Variants in ACTA2 observed in about 807,000 individuals in gnomAD.
ACTA2 encodes actin, aortic smooth muscle.
A neutral mutation model predicts 39.5 loss-of-function variants in ACTA2; 12 were observed. The ratio of observed to expected loss-of-function variants is 0.30; its 90% CI spans 0.19 to 0.49. The LOEUF (loss-of-function observed/expected upper bound fraction) is 0.49, where lower values mean the gene tolerates loss of function less well. Among genes scored for constraint, ACTA2 ranks in the 20% least tolerant of loss-of-function variants. The probability of loss-of-function intolerance (pLI) is 0.99; values close to 1 mark genes in which losing one functional copy is unlikely to be tolerated. For missense variants in ACTA2, 236 were observed against 498.8 expected, an observed-to-expected ratio of 0.47 and a Z score of 5.02; for synonymous variants, 158 against 180.6, an observed-to-expected ratio of 0.88 and a Z score of 1.00.
intron 3 of ACTA2, 69 bp from the exon 4 acceptor site, chr10:88,943,976 G>T: frequency 7.0e-7 from 1 of 1,419,220 alleles, no homozygotes; most frequent in South Asian, 1.2e-5. Flanking sequence ...TTCCCAAAAA[G>T]GGACCAGAAG....
chr10:88,961,091 G>A (rs1024210406), intron 1 of ACTA2, among the ~76,000 whole-genome samples: 1 of 152,136 alleles, frequency 6.6e-6, no homozygotes. Flanking sequence ...GAGGACTATG[G>A]GGAGACACTT....
At chr10:88,946,929 C>T (rs551550571) in intron 3 of ACTA2, 1 of 154,458 alleles carries the variant, frequency 6.5e-6, no homozygotes, top group East Asian at 1.9e-4. Flanking sequence ...GTGTGATGTT[C>T]CCCTTCCTGT....
chr10:88,947,104 T>C (rs933810082), intron 3 of ACTA2, 154 bp downstream of exon 3: 77 of 1,115,304 alleles, frequency 6.9e-5, no homozygotes, highest in Admixed American at 1.2e-4. Flanking sequence ...GATTTTTTTT[T>C]CAATGGGTAA....
rs886038978 is a variant in ACTA2 at position 88,938,111 on chromosome 10, G to C, written c.940C>G (p.Arg314Gly). 1 of 1,613,808 alleles carries C rather than the reference G, an allele frequency of 6.2e-7. No individual in the cohort carries two copies. The highest frequency in any genetic ancestry group is 8.5e-7 in the Non-Finnish European group (1 of 1,179,922). ...AGGGCCGTGATCTCCTTCTGCATTC[G>C]GTCGGCAATGCCAGGGTACATAGTG... ...GTTMYPGIAD[R>G]MQKEITALAP... Residue 314 changes from arginine to glycine, a missense_variant, in exon 8 of 9, where the codon CGA (arginine) becomes GGA (glycine). Coordinates refer to ENST00000224784, the MANE Select transcript of ACTA2 (RefSeq NM_001613.4).
chr10:88,988,808 C>T (rs1847000869), intron 1 of ACTA2, among the ~76,000 whole-genome samples: 2 of 152,124 alleles, frequency 1.3e-5, no homozygotes, highest in East Asian at 1.9e-4. Flanking sequence ...TATAATTACC[C>T]AACCCTTTGA....
At chr10:88,963,342 G>T (rs1459141250) in intron 1 of ACTA2, among the ~76,000 whole-genome samples, 2 of 151,894 alleles carry the variant, frequency 1.3e-5, no homozygotes, top group Non-Finnish European at 2.9e-5. Context: ...TTTATTTAAT[G>T]CCTACCATGT....
intron 1 of ACTA2, chr10:88,989,330 C>T (rs1589436607): frequency 1.6e-5 from 5 of 309,222 alleles, no homozygotes; most frequent in South Asian, 5.2e-5. Context: ...ACCCCTTTTC[C>T]TTCCTTCTTT....
intron 1 of ACTA2, among the ~76,000 whole-genome samples, chr10:88,959,295 A>G (rs1017772526): frequency 6.6e-6 from 1 of 152,226 alleles, no homozygotes; most frequent in Non-Finnish European, 1.5e-5. Flanking sequence ...AAAAATCCCA[A>G]TGCACAGGCT....
chr10:88,982,220 A>G (rs1846728395), intron 1 of ACTA2, among the ~76,000 whole-genome samples: 1 of 152,134 alleles, frequency 6.6e-6, no homozygotes, highest in Non-Finnish European at 1.5e-5. Context: ...AAGAAGACCT[A>G]CCTCCCAAGA....
Position 88,990,858 on chromosome 10 carries a change from G to A in ACTA2, c.-24+81C>T. On this transcript the variant is annotated intron_variant, in intron 1 of 4. Transcript: ENST00000415557. This position sits in a 1 kb window ranked among gnomAD's most constrained non-coding sequence, Gnocchi z 4.9. The stretch of plus-strand genomic sequence containing the variant: ...GGAGTTGGGGAAGCTCTTTCACTTC[G>A]GAGGATTGCTCAACAACCATGCTGG... 2 of 1,614,208 alleles carry A rather than the reference G, an allele frequency of 1.2e-6. No individual in the cohort carries two copies. The highest frequency in any genetic ancestry group is 4.5e-5 in the East Asian group (2 of 44,872).
intron 6 of ACTA2, 195 bp from the exon 7 acceptor site, chr10:88,939,893 G>T (rs958482290): frequency 3.2e-6 from 2 of 632,602 alleles, no homozygotes; most frequent in Non-Finnish European, 5.7e-6. Context: ...TCCTAGGACA[G>T]TGTCTCATGC....
rs1214472006 is a variant in ACTA2, at chr10:88,990,079, T to C, written c.-24+860A>G. Among the ~76,000 whole-genome samples the C allele has an allele frequency of 6.6e-6, 1 of 152,208 alleles. No individual in the cohort carries two copies. The highest frequency in any genetic ancestry group is 1.5e-5 in the Non-Finnish European group (1 of 68,032). On this transcript the variant is annotated intron_variant, in intron 1 of 4. Transcript: ENST00000415557. The surrounding 1 kb of genome is among the most constrained non-coding windows in gnomAD (Gnocchi z 4.9). Reference sequence around the variant, plus strand: ...TGTGAATGTTTAATATAGCTGGGGCTATGCGATTTGGCTTAAGTTGTTAGC... The same window carrying C: ...TGTGAATGTTTAATATAGCTGGGGCCATGCGATTTGGCTTAAGTTGTTAGC...
In ACTA2 at chr10:88,935,208, G is replaced by A. The variant is rs762441210; in HGVS notation, c.*15C>T. ...ACAGTTGTGTGCTAGAGACAGAGAGGAGCAGGAAAGTGTTTTAGAAGCATT... is the reference window on the plus strand; with the variant it reads ...ACAGTTGTGTGCTAGAGACAGAGAGAAGCAGGAAAGTGTTTTAGAAGCATT... On this transcript the variant is annotated 3_prime_UTR_variant, in exon 9 of 9. Transcript: ENST00000224784. 1.2e-5 allele frequency: 20 copies of A among 1,612,272 alleles called. No homozygotes were observed. Among genetic ancestry groups the A allele is most frequent in the Non-Finnish European group, 1.6e-5 (19 of 1,179,572 alleles).
chr10:88,943,214 C>A (rs992947753), intron 4 of ACTA2, among the ~76,000 whole-genome samples: 2 of 152,116 alleles, frequency 1.3e-5, no homozygotes, highest in Non-Finnish European at 2.9e-5. Context: ...GGATGGGATT[C>A]TATTGTGAGG....
intron 1 of ACTA2, among the ~76,000 whole-genome samples, chr10:88,949,282 TC>T (rs2133275012): frequency 6.6e-6 from 1 of 152,164 alleles, no homozygotes; most frequent in South Asian, 2.1e-4. Context: ...AGATGGGAAA[TC>T]CAGAGTCTGA....
Position 88,941,807 on chromosome 10 carries a change from G to C in ACTA2, c.432C>G (p.Leu144=). The change falls in exon 5 of 9, where the codon CTC becomes CTG. Residue 144 remains leucine, a synonymous_variant. Transcript: ENST00000224784. ...TACCAGTTGTGCGTCCAGAGGCATA[G>C]AGAGACAGCACCGCCTGGATAGCCA... ...MYVAIQAVLS[L]YASGRTTGIV... The C allele has an allele frequency of 1.2e-6, 2 of 1,612,882 alleles. No homozygotes were observed. The highest frequency in any genetic ancestry group is 1.7e-6 in the Non-Finnish European group (2 of 1,179,544).
chr10:88,938,939 T>C (rs1257936343), intron 7 of ACTA2, among the ~76,000 whole-genome samples: 5 of 152,206 alleles, frequency 3.3e-5, no homozygotes, highest in Non-Finnish European at 7.3e-5. Context: ...GCTCTTTATC[T>C]ATCTCCTGTA....
chr10:88,976,704 C>T (rs977165981), intron 1 of ACTA2, among the ~76,000 whole-genome samples: 1 of 152,040 alleles, frequency 6.6e-6, no homozygotes, highest in Non-Finnish European at 1.5e-5. Flanking sequence ...TTTAAATTAA[C>T]AAAATTGTAT....
At chr10:88,953,742 G>A (rs1362434392), upstream of ACTA2, among the ~76,000 whole-genome samples, 1 of 152,154 alleles carries the variant, frequency 6.6e-6, no homozygotes, top group Non-Finnish European at 1.5e-5. Flanking sequence ...TTTCTCCCAT[G>A]CTGTTCTCAT....
Sources: gnomAD v4.1 joint callset for allele counts (sites outside exome capture counted in the v4.1 genomes callset) on GRCh38, gnomAD v4.1.1 for gene constraint, Gnocchi (gnomAD v3.1) non-coding constraint, MANE v1.5 for transcripts, NCBI Gene and HGNC (gene_info 2026-07-23, HGNC 2026-07-21) for gene names.